The following FRK variants were observed in gnomAD, a reference collection of about 807,000 sequenced individuals.
FRK encodes the protein fyn related Src family tyrosine kinase, also known as tyrosine-protein kinase FRK.
In FRK, 51 loss-of-function variants were observed where a neutral mutation model predicts 56.4. That is an observed-to-expected ratio of 0.90 (90% CI 0.72 to 1.14). The LOEUF is 1.14. Among genes scored for constraint, FRK ranks in the 50% most tolerant of loss-of-function variants. The pLI, the probability that FRK is intolerant of heterozygous loss-of-function variation, is 0.00. For missense variants in FRK, 570 were observed against 601.4 expected, an observed-to-expected ratio of 0.95 and a Z score of 0.55; for synonymous variants, 245 against 217.9, an observed-to-expected ratio of 1.12 and a Z score of -1.10.
intron 1 of FRK, among the ~76,000 whole-genome samples, chr6:116,053,452 G>T (rs1358249130): frequency 5.3e-5 from 8 of 152,110 alleles, no homozygotes; most frequent in African/African-American, 1.4e-4. Flanking sequence ...TGTATAGAAG[G>T]TTGTGTCTAC....
chr6:116,045,983 G>A (rs1776940539), intron 1 of FRK, among the ~76,000 whole-genome samples: 3 of 152,040 alleles, frequency 2.0e-5, no homozygotes, highest in Admixed American at 1.3e-4. Flanking sequence ...GTGGGTAAAG[G>A]ATATGAACAG....
chr6:116,074,037 T>C, the FRK span, among the ~76,000 whole-genome samples: 18 of 151,196 alleles, frequency 1.2e-4, no homozygotes, highest in African/African-American at 4.1e-4. Context: ...GCAAAGCTAC[T>C]GCAGACGCTC....
At chr6:116,013,135 G>A (rs1285742576) in intron 1 of FRK, among the ~76,000 whole-genome samples, 2 of 152,074 alleles carry the variant, frequency 1.3e-5, no homozygotes, top group African/African-American at 4.8e-5. Context: ...TTCTTTAGAG[G>A]GGAAGTCAGG....
chr6:115,976,772 A>G (rs1562266789), intron 2 of FRK, among the ~76,000 whole-genome samples: 1 of 152,160 alleles, frequency 6.6e-6, no homozygotes, highest in Non-Finnish European at 1.5e-5. Context: ...GATCTTATCT[A>G]TATACTCCCA....
chr6:115,990,433 C>A (rs116939359), intron 2 of FRK, among the ~76,000 whole-genome samples: 4,961 of 151,808 alleles, frequency 0.033, 102 homozygotes, highest in South Asian at 0.05. Flanking sequence ...GTCTTTAATC[C>A]ATCTTGGGTT....
intron 1 of FRK, among the ~76,000 whole-genome samples, chr6:116,047,339 T>G (rs529418230): frequency 2.0e-5 from 3 of 151,258 alleles, no homozygotes; most frequent in Admixed American, 6.6e-5. Flanking sequence ...ACATCTGTAG[T>G]TTTTTTAGGA....
intron 1 of FRK, among the ~76,000 whole-genome samples, chr6:116,017,954 A>G (rs1006465393): frequency 2.6e-5 from 4 of 152,328 alleles, no homozygotes; most frequent in Admixed American, 2.6e-4. Context: ...CAAATGCTGT[A>G]TAAAATTTGT....
intron 1 of FRK, among the ~76,000 whole-genome samples, chr6:116,023,849 C>G (rs1582725586): frequency 6.6e-6 from 1 of 152,144 alleles, no homozygotes. Flanking sequence ...GAAATGTAAG[C>G]TTAAAATCTG....
chr6:116,081,606 C>T, the FRK span, among the ~76,000 whole-genome samples: 2 of 151,770 alleles, frequency 1.3e-5, no homozygotes, highest in East Asian at 3.9e-4. Context: ...TGCTGTGACC[C>T]GAGACCATGC....
intron 2 of FRK, among the ~76,000 whole-genome samples, chr6:115,992,796 G>T (rs1774665618): frequency 6.6e-6 from 1 of 151,736 alleles, no homozygotes; most frequent in Non-Finnish European, 1.5e-5. Context: ...TTTTAGCAAG[G>T]CTATGAAGGG....
intron 2 of FRK, among the ~76,000 whole-genome samples, chr6:115,990,236 C>T (rs1482434900): frequency 6.6e-6 from 1 of 151,888 alleles, no homozygotes; most frequent in Non-Finnish European, 1.5e-5. Context: ...TGCCTGTTTA[C>T]TCTGTTGATT....
intron 1 of FRK, among the ~76,000 whole-genome samples, chr6:116,040,216 A>C (rs934442457): frequency 6.6e-6 from 1 of 152,196 alleles, no homozygotes; most frequent in Non-Finnish European, 1.5e-5. Context: ...AAGAAGGGAA[A>C]GTCATATGTA....
the FRK span, among the ~76,000 whole-genome samples, chr6:116,085,863 A>G: frequency 1.3e-5 from 2 of 152,202 alleles, no homozygotes; most frequent in African/African-American, 2.4e-5. Flanking sequence ...GAAAATGGAC[A>G]TGTTTTTGTT....
chr6:115,948,020 T>C lies in FRK; in HGVS notation c.959-3595A>G, dbSNP rs572223454. ...TCTACTAATTGTGGCCTGGACCTAG[T>C]GACTCATGTTTAACAACAGAATATG... On this transcript the variant is annotated intron_variant, in intron 5 of 7. Transcript: ENST00000606080. Among the ~76,000 whole-genome samples, 14 of 152,296 alleles carry C rather than the reference T, an allele frequency of 9.2e-5. No homozygotes were observed. The South Asian group carries it at 2.9e-3, about 32-fold the overall frequency.
At chr6:116,083,637 T>C in the FRK span, among the ~76,000 whole-genome samples, 3 of 152,182 alleles carry the variant, frequency 2.0e-5, no homozygotes, top group Non-Finnish European at 4.4e-5. Context: ...GAGTTTCTGA[T>C]TCAGTATTTC....
At chr6:115,942,753 G>A in intron 7 of FRK, 128 bp from the exon 8 acceptor site, 1 of 828,264 alleles carries the variant, frequency 1.2e-6, no homozygotes, top group East Asian at 2.6e-5. Context: ...TTTAAGGTCT[G>A]CCATCCCCTT....
intron 2 of FRK, among the ~76,000 whole-genome samples, chr6:115,979,440 T>A (rs1420463301): frequency 6.6e-6 from 1 of 152,160 alleles, no homozygotes; most frequent in African/African-American, 2.4e-5. Flanking sequence ...TACACTGTTA[T>A]TACAAAAGAG....
intron 5 of FRK, among the ~76,000 whole-genome samples, chr6:115,954,389 GA>G (rs1462996659): frequency 6.6e-6 from 1 of 152,214 alleles, no homozygotes; most frequent in African/African-American, 2.4e-5. Context: ...ACAAGAAGCA[GA>G]AGATGAAGAC....
At chr6:116,073,266 A>C in the FRK span, among the ~76,000 whole-genome samples, 1 of 152,204 alleles carries the variant, frequency 6.6e-6, no homozygotes, top group Non-Finnish European at 1.5e-5. Flanking sequence ...AGCTCTGCCA[A>C]GAATACTTCT....
Sources: gnomAD v4.1 joint callset for allele counts (sites outside exome capture counted in the v4.1 genomes callset) on GRCh38, gnomAD v4.1.1 for gene constraint, MANE v1.5 for transcripts, NCBI Gene and HGNC (gene_info 2026-07-23, HGNC 2026-07-21) for gene names.